Variants in WWOX observed in about 807,000 individuals in gnomAD.
WWOX encodes the protein WW domain-containing oxidoreductase.
A neutral mutation model predicts 46.2 loss-of-function variants in WWOX; 69 were observed. The observed-to-expected ratio is 1.49, with a 90% CI of 1.23 to 1.82. The LOEUF (loss-of-function observed/expected upper bound fraction) is 1.82, where lower values mean the gene tolerates loss of function less well. Ranked by LOEUF, WWOX falls within the 40% of genes most tolerant of loss-of-function variation. The pLI is 0.00. For missense variants in WWOX, 919 were observed against 542.6 expected (o/e 1.69, Z -6.89); for synonymous variants, 359 against 202.6 (o/e 1.77, Z -6.56).
intron 6 of WWOX, among the ~76,000 whole-genome samples, chr16:78,397,078 T>C (rs1164557169): frequency 6.6e-6 from 1 of 152,228 alleles, no homozygotes; most frequent in Admixed American, 6.5e-5. Flanking sequence ...TGAGAGTCGA[T>C]GTTGTGTGCA....
At chr16:78,956,076 G>A (rs62035998) in intron 8 of WWOX, among the ~76,000 whole-genome samples, 8 of 151,872 alleles carry the variant, frequency 5.3e-5, no homozygotes, top group Non-Finnish European at 8.8e-5. Context: ...GAGAGTTCCC[G>A]TATACCTCCG....
intron 8 of WWOX, among the ~76,000 whole-genome samples, chr16:78,554,211 G>T (rs1597256997): frequency 6.6e-6 from 1 of 152,256 alleles, no homozygotes; most frequent in East Asian, 1.9e-4. Context: ...GGACTTGGTG[G>T]CCAGATGCAT....
At chr16:79,031,906 AT>A (rs2047767510) in intron 8 of WWOX, among the ~76,000 whole-genome samples, 1 of 49,672 alleles carries the variant, frequency 2.0e-5, no homozygotes, top group African/African-American at 4.5e-5. Flanking sequence ...ATATCTATAT[AT>A]ATAGATATCT....
At chr16:78,960,256 C>A (rs1323592978) in intron 8 of WWOX, among the ~76,000 whole-genome samples, 1 of 152,150 alleles carries the variant, frequency 6.6e-6, no homozygotes, top group Non-Finnish European at 1.5e-5. Flanking sequence ...CAAAGACCTC[C>A]CCACCTCCAG....
chr16:78,248,389 C>G (rs142848049), intron 5 of WWOX, among the ~76,000 whole-genome samples: 1 of 152,318 alleles, frequency 6.6e-6, no homozygotes, highest in East Asian at 1.9e-4. Flanking sequence ...AGAAATCTGT[C>G]CGCATGATCT....
At chr16:78,426,073 C>T (rs2083070716) in intron 7 of WWOX, among the ~76,000 whole-genome samples, 1 of 152,094 alleles carries the variant, frequency 6.6e-6, no homozygotes, top group South Asian at 2.1e-4. Context: ...TTTACTTTTG[C>T]CATTTTAAAT....
At position 78,141,818 on chromosome 16, in the gene WWOX, C is replaced by T. The variant is rs1048282019; in HGVS notation, c.410-22365C>T. 8.6e-5 allele frequency among the ~76,000 whole-genome samples: 13 copies of T among 151,554 alleles called. No individual in the cohort carries two copies. In the South Asian group the frequency reaches 1.2e-3, roughly 15 times the overall value. The stretch of plus-strand genomic sequence containing the variant: ...AAGTAGTATTGATTTCAGAATTATA[C>T]GGTGCTAAACAATGGAAATTTCCTA... On this transcript the variant is annotated intron_variant, in intron 4 of 8. Transcript: ENST00000566780.
chr16:78,610,487 C>T (rs1482402194), intron 8 of WWOX, among the ~76,000 whole-genome samples: 1 of 152,202 alleles, frequency 6.6e-6, no homozygotes, highest in African/African-American at 2.4e-5. Flanking sequence ...CTACAATACT[C>T]ATTCCTTTAA....
chr16:78,756,470 A>G (rs547001947), intron 8 of WWOX, among the ~76,000 whole-genome samples: 10 of 152,314 alleles, frequency 6.6e-5, no homozygotes, highest in African/African-American at 1.2e-4. Context: ...TGATTAGGCA[A>G]TAGTTTACCT....
At chr16:79,176,472 G>A (rs2050802318) in intron 8 of WWOX, among the ~76,000 whole-genome samples, 1 of 152,190 alleles carries the variant, frequency 6.6e-6, no homozygotes, top group Non-Finnish European at 1.5e-5. Context: ...TAAGAAGCTG[G>A]CAGTCTGTCA....
chr16:78,420,381 G>C (rs1363320552), intron 6 of WWOX, among the ~76,000 whole-genome samples: 1 of 152,100 alleles, frequency 6.6e-6, no homozygotes. Flanking sequence ...TCCATCATTG[G>C]TGAATGGATA....
chr16:78,732,542 A>G (rs922315115), intron 8 of WWOX, among the ~76,000 whole-genome samples: 14 of 152,162 alleles, frequency 9.2e-5, no homozygotes, highest in Admixed American at 8.5e-4. Context: ...TGAATAGCGC[A>G]TGTGGTAGAT....
intron 8 of WWOX, among the ~76,000 whole-genome samples, chr16:79,209,598 G>A (rs150014193): frequency 3.9e-4 from 60 of 152,276 alleles, no homozygotes; most frequent in East Asian, 2.7e-3. Context: ...CACTCTGGTC[G>A]TTTTGGCAGC....
chr16:79,039,748 C>T (rs1364043958), intron 8 of WWOX, among the ~76,000 whole-genome samples: 1 of 152,178 alleles, frequency 6.6e-6, no homozygotes, highest in Non-Finnish European at 1.5e-5. Flanking sequence ...GTCTTAGTTT[C>T]AGTGGCTCTG....
At chr16:78,114,470 G>T (rs747682086) in intron 3 of WWOX, among the ~76,000 whole-genome samples, 19 of 152,164 alleles carry the variant, frequency 1.2e-4, no homozygotes, top group Non-Finnish European at 2.2e-4. Context: ...CTCGTAGGAG[G>T]TATGAGTGCA....
intron 5 of WWOX, among the ~76,000 whole-genome samples, chr16:78,209,040 A>C (rs2036478623): frequency 6.6e-6 from 1 of 152,170 alleles, no homozygotes; most frequent in Admixed American, 6.5e-5. Context: ...TTGTATTTGA[A>C]TGTATATACA....
At chr16:78,809,310 T>C (rs1476240326) in intron 8 of WWOX, among the ~76,000 whole-genome samples, 1 of 140,646 alleles carries the variant, frequency 7.1e-6, no homozygotes, top group Non-Finnish European at 1.5e-5. Context: ...AATAGAGATC[T>C]TGAAAAAAAA....
At chr16:78,588,795 G>A (rs1319196895) in intron 8 of WWOX, among the ~76,000 whole-genome samples, 1 of 152,170 alleles carries the variant, frequency 6.6e-6, no homozygotes, top group Non-Finnish European at 1.5e-5. Context: ...TTTGGCATTA[G>A]GAGCTGAACC....
At chr16:78,292,131 A>G (rs930489937) in intron 5 of WWOX, among the ~76,000 whole-genome samples, 2 of 148,568 alleles carry the variant, frequency 1.3e-5, no homozygotes, top group Non-Finnish European at 3.0e-5. Flanking sequence ...CAGTGGTGCA[A>G]TCTCAGCTCA....
Sources: gnomAD v4.1 joint callset for allele counts (sites outside exome capture counted in the v4.1 genomes callset) on GRCh38, gnomAD v4.1.1 for gene constraint, MANE v1.5 for transcripts, NCBI Gene and HGNC (gene_info 2026-07-23, HGNC 2026-07-21) for gene names.